Variants in MAGI1 observed in about 807,000 individuals in gnomAD.
MAGI1 encodes membrane-associated guanylate kinase, WW and PDZ domain-containing protein 1.
MAGI1 carries 58 observed loss-of-function variants against 139.9 expected under a neutral mutation model. The observed-to-expected ratio is 0.41, with a 90% confidence interval of 0.34 to 0.52. MAGI1 has a LOEUF of 0.52. Ranked by LOEUF, MAGI1 falls within the 20% of genes least tolerant of loss-of-function variation. The pLI is 0.12. For synonymous variants in MAGI1, 812 were observed against 737.9 expected (o/e 1.10, Z -1.63); for missense variants, 1,874 against 1,901.6 (o/e 0.99, Z 0.27).
rs375166678 is a variant in MAGI1, at chr3:65,797,893, G to A, written c.314-175805C>T. On this transcript the variant is annotated intron_variant, in intron 1 of 22. Coordinates refer to ENST00000402939, the MANE Select transcript of MAGI1 (RefSeq NM_001033057.2). ...TCTAAGGATACACTCAAATCTAAGC[G>A]TAACCTTGGATTGGACTGTGCTGTA... 1.1e-4 allele frequency among the ~76,000 whole-genome samples: 16 copies of A among 152,292 alleles called. No individual in the cohort carries two copies. In the South Asian group the frequency reaches 1.9e-3, roughly 18 times the overall value.
chr3:65,576,443 T>C (rs1270426344), intron 2 of MAGI1, among the ~76,000 whole-genome samples: 2 of 152,184 alleles, frequency 1.3e-5, no homozygotes, highest in Non-Finnish European at 2.9e-5. Context: ...GAATAAAAGA[T>C]TCCAGCTCTA....
intron 1 of MAGI1, among the ~76,000 whole-genome samples, chr3:65,713,725 G>A (rs1198642871): frequency 1.3e-5 from 2 of 152,156 alleles, no homozygotes; most frequent in African/African-American, 2.4e-5. Context: ...TAAGTATTTT[G>A]TGTGTGCCTA....
intron 1 of MAGI1, among the ~76,000 whole-genome samples, chr3:65,659,863 C>T (rs2086095192): frequency 6.6e-6 from 1 of 152,254 alleles, no homozygotes; most frequent in East Asian, 1.9e-4. Flanking sequence ...CTACATTTCT[C>T]AACCCCCAAT....
At chr3:65,796,165 C>G (rs1480147442) in intron 1 of MAGI1, among the ~76,000 whole-genome samples, 1 of 151,998 alleles carries the variant, frequency 6.6e-6, no homozygotes, top group Non-Finnish European at 1.5e-5. Context: ...CAGGGAAGAA[C>G]TGATGCAAAG....
chr3:65,702,122 A>C (rs1231583866), intron 1 of MAGI1, among the ~76,000 whole-genome samples: 1 of 152,160 alleles, frequency 6.6e-6, no homozygotes, highest in African/African-American at 2.4e-5. Context: ...ATCAGTATTC[A>C]GTACCTGTGT....
intron 7 of MAGI1, among the ~76,000 whole-genome samples, chr3:65,444,330 A>T (rs1948535107): frequency 6.6e-6 from 1 of 152,146 alleles, no homozygotes; most frequent in African/African-American, 2.4e-5. Context: ...TTACCATTTA[A>T]ATGAAAATGA....
intron 1 of MAGI1, among the ~76,000 whole-genome samples, chr3:65,984,702 AT>A (rs869295614): frequency 8.1e-5 from 7 of 86,432 alleles, no homozygotes; most frequent in African/African-American, 1.8e-4. Flanking sequence ...TGCCTTGCTA[AT>A]TTTTTTTTCT....
At chr3:66,024,802 G>A (rs903501706) in intron 1 of MAGI1, among the ~76,000 whole-genome samples, 6 of 151,892 alleles carry the variant, frequency 4.0e-5, no homozygotes, top group Admixed American at 6.6e-5. Flanking sequence ...GTGAGACTCC[G>A]TTTCCAAAAC....
chr3:65,675,167 G>A (rs2087108334), intron 1 of MAGI1, among the ~76,000 whole-genome samples: 1 of 152,132 alleles, frequency 6.6e-6, no homozygotes, highest in South Asian at 2.1e-4. Flanking sequence ...AGATTCATGA[G>A]GCCAAATGAA....
At chr3:65,803,757 T>C (rs530667991) in intron 1 of MAGI1, among the ~76,000 whole-genome samples, 53 of 152,286 alleles carry the variant, frequency 3.5e-4, no homozygotes, top group African/African-American at 1.3e-3. Context: ...TGTCCACGTG[T>C]TCTCATCATT....
At chr3:65,755,868 T>C (rs1017832173) in intron 1 of MAGI1, among the ~76,000 whole-genome samples, 3 of 152,252 alleles carry the variant, frequency 2.0e-5, no homozygotes, top group African/African-American at 7.2e-5. Flanking sequence ...GGCAACCTTA[T>C]GCATTATCAT....
intron 3 of MAGI1, among the ~76,000 whole-genome samples, chr3:65,489,021 G>A (rs1265475831): frequency 6.6e-6 from 1 of 152,164 alleles, no homozygotes; most frequent in African/African-American, 2.4e-5. Context: ...TGGGAAGAGT[G>A]TAGACTCTGT....
chr3:65,386,932 A>G (rs768780930), intron 14 of MAGI1, among the ~76,000 whole-genome samples: 10 of 152,158 alleles, frequency 6.6e-5, no homozygotes, highest in Non-Finnish European at 1.3e-4. Context: ...AAACTAACAC[A>G]TTTCCAGACT....
chr3:65,831,994 G>A (rs572754131), intron 1 of MAGI1, among the ~76,000 whole-genome samples: 4 of 152,258 alleles, frequency 2.6e-5, no homozygotes, highest in East Asian at 1.9e-4. Flanking sequence ...CAATAATCTC[G>A]AGAGACCTTA....
At chr3:65,434,650 G>A (rs990388178) in intron 10 of MAGI1, among the ~76,000 whole-genome samples, 3 of 152,126 alleles carry the variant, frequency 2.0e-5, no homozygotes, top group South Asian at 2.1e-4. Context: ...ACACTTAACC[G>A]GTAGGCAGGT....
chr3:65,823,339 G>T (rs571674275), intron 1 of MAGI1, among the ~76,000 whole-genome samples: 1 of 152,232 alleles, frequency 6.6e-6, no homozygotes, highest in African/African-American at 2.4e-5. Flanking sequence ...AGAGGAAAAG[G>T]AAAAAAACTT....
At chr3:65,591,280 T>C (rs958178319) in intron 2 of MAGI1, among the ~76,000 whole-genome samples, 4 of 152,158 alleles carry the variant, frequency 2.6e-5, no homozygotes, top group African/African-American at 9.7e-5. Context: ...ATGACTATTC[T>C]GTCCTTCCAG....
chr3:65,783,488 GA>G (rs71633188), intron 1 of MAGI1, among the ~76,000 whole-genome samples: 21,322 of 146,204 alleles, frequency 0.15, 2,059 homozygotes, highest in South Asian at 0.39. Flanking sequence ...TCTCCAGAAA[GA>G]AAAAAAAAAA....
At chr3:65,745,479 T>G (rs1394207874) in intron 1 of MAGI1, among the ~76,000 whole-genome samples, 1 of 152,166 alleles carries the variant, frequency 6.6e-6, no homozygotes, top group East Asian at 1.9e-4. Context: ...AAGCCCTAAC[T>G]TCGCAGGCAA....
Sources: allele counts gnomAD v4.1 joint callset (sites outside exome capture counted in the v4.1 genomes callset), GRCh38; gene constraint gnomAD v4.1.1; transcripts MANE v1.5; gene names NCBI Gene and HGNC (gene_info 2026-07-23, HGNC 2026-07-21).